DPYD: variants seen among roughly 807,000 people sequenced by gnomAD.
DPYD encodes dihydropyrimidine dehydrogenase.
Under a neutral mutation model 116.2 loss-of-function variants are expected in DPYD, and 109 were observed. The ratio of observed to expected loss-of-function variants is 0.94; its 90% CI spans 0.80 to 1.10. The LOEUF (loss-of-function observed/expected upper bound fraction) is 1.10. DPYD is among the 50% of genes least tolerant of loss of function. The pLI, the probability that DPYD is intolerant of heterozygous loss-of-function variation, is 0.00. For synonymous variants in DPYD, 440 were observed against 432.0 expected, an observed-to-expected ratio of 1.02 and a Z score of -0.23; for missense variants, 1,302 against 1,254.5, an observed-to-expected ratio of 1.04 and a Z score of -0.57.
At chr1:97,821,002 A>C (rs1267591715) in intron 3 of DPYD, among the ~76,000 whole-genome samples, 2 of 152,018 alleles carry the variant, frequency 1.3e-5, no homozygotes, top group Non-Finnish European at 2.9e-5. Flanking sequence ...CAAGTTATTC[A>C]ATTCAAGTAC....
chr1:97,714,689 G>A (rs1316071532), intron 5 of DPYD, among the ~76,000 whole-genome samples: 1 of 148,862 alleles, frequency 6.7e-6, no homozygotes, highest in Non-Finnish European at 1.5e-5. Context: ...TAAGCCGTAT[G>A]TGTTGGTCTT....
intron 1 of DPYD, among the ~76,000 whole-genome samples, chr1:97,918,423 A>G (rs927554048): frequency 1.3e-5 from 2 of 152,208 alleles, no homozygotes; most frequent in Non-Finnish European, 2.9e-5. Flanking sequence ...TGCAACTTCT[A>G]TGATTACAAC....
At chr1:97,821,497 A>C (rs1185030011) in intron 3 of DPYD, among the ~76,000 whole-genome samples, 1 of 152,168 alleles carries the variant, frequency 6.6e-6, no homozygotes, top group Non-Finnish European at 1.5e-5. Flanking sequence ...ATAAAGAAAG[A>C]ATATGATGAA....
At chr1:97,293,657 C>A (rs781587593) in intron 18 of DPYD, among the ~76,000 whole-genome samples, 4 of 152,098 alleles carry the variant, frequency 2.6e-5, no homozygotes, top group South Asian at 2.1e-4. Context: ...AAAAGTCAGT[C>A]CAGGCCGGGT....
chr1:97,261,297 C>T (rs1186089951), intron 18 of DPYD, among the ~76,000 whole-genome samples: 2 of 151,914 alleles, frequency 1.3e-5, no homozygotes, highest in Non-Finnish European at 2.9e-5. Context: ...CTGTGATGGA[C>T]ACCTTTAACT....
intron 20 of DPYD, among the ~76,000 whole-genome samples, chr1:97,150,975 C>T (rs1167651400): frequency 6.6e-6 from 1 of 152,146 alleles, no homozygotes; most frequent in Non-Finnish European, 1.5e-5. Context: ...AGTGTAATTA[C>T]TAGCTTTGAT....
intron 8 of DPYD, among the ~76,000 whole-genome samples, chr1:97,641,035 T>C (rs1657862811): frequency 6.6e-6 from 1 of 152,150 alleles, no homozygotes; most frequent in Non-Finnish European, 1.5e-5. Flanking sequence ...AGGCTCCCAG[T>C]TTTTCTTAGA....
chr1:97,133,618 C>G lies in DPYD; in HGVS notation c.2623-34986G>C, dbSNP rs185434712. On this transcript the variant is annotated intron_variant, in intron 20 of 22. Transcript: ENST00000370192. ...AATTGCTATACCATATCACAGAGCA[C>G]ACTGCAATTTAAAAAATCCTTTCCC... Among the ~76,000 whole-genome samples the G allele has an allele frequency of 1.3e-4, 20 of 152,148 alleles. No homozygotes were observed. The East Asian group carries it at 3.5e-3, about 26-fold the overall frequency.
intron 14 of DPYD, among the ~76,000 whole-genome samples, chr1:97,409,191 A>T (rs933110215): frequency 2.0e-5 from 3 of 152,206 alleles, no homozygotes; most frequent in African/African-American, 7.2e-5. Context: ...AAGATTATTA[A>T]ACATTTTCCG....
intron 6 of DPYD, among the ~76,000 whole-genome samples, chr1:97,692,006 C>T (rs1033517261): frequency 3.0e-4 from 45 of 152,042 alleles, no homozygotes; most frequent in African/African-American, 1.0e-3. Flanking sequence ...ACAGTAGAAA[C>T]TGATATAAAA....
At chr1:97,234,742 C>G in intron 19 of DPYD, 110 bp downstream of exon 19, 2 of 1,376,228 alleles carry the variant, frequency 1.5e-6, no homozygotes, top group Non-Finnish European at 2.0e-6. Context: ...TCCCAAATGG[C>G]CTCCTTTTCA....
intron 14 of DPYD, among the ~76,000 whole-genome samples, chr1:97,414,978 T>C (rs1246976969): frequency 5.9e-5 from 9 of 152,250 alleles, no homozygotes; most frequent in Admixed American, 5.9e-4. Flanking sequence ...ATTTCACTTT[T>C]AGCTAATATT....
intron 2 of DPYD, among the ~76,000 whole-genome samples, chr1:97,859,400 C>T (rs922116867): frequency 6.6e-6 from 1 of 152,118 alleles, no homozygotes; most frequent in African/African-American, 2.4e-5. Flanking sequence ...CTGAACCTGG[C>T]CCCTCATGGG....
At chr1:97,520,351 C>T (rs1648553615) in intron 12 of DPYD, among the ~76,000 whole-genome samples, 1 of 152,152 alleles carries the variant, frequency 6.6e-6, no homozygotes, top group Admixed American at 6.6e-5. Flanking sequence ...AGACTTTACT[C>T]ATGCGTTAAA....
At chr1:97,307,437 T>G (rs1437443372) in intron 16 of DPYD, among the ~76,000 whole-genome samples, 1 of 151,874 alleles carries the variant, frequency 6.6e-6, no homozygotes, top group African/African-American at 2.4e-5. Context: ...ATTTGTAATG[T>G]TATAACCTTT....
rs192497881 is a variant in DPYD, at chr1:97,114,848, C to T, written c.2623-16216G>A. 3.1e-3 allele frequency among the ~76,000 whole-genome samples: 472 copies of T among 152,328 alleles called. 4 individuals carry two copies. Among genetic ancestry groups the T allele is most frequent in the Non-Finnish European group, 4.1e-3 (280 of 68,020 alleles). On this transcript the variant is annotated intron_variant, in intron 20 of 22. Coordinates refer to ENST00000370192, the MANE Select transcript of DPYD (RefSeq NM_000110.4). ...AACTGTATATGTGAATACACTAATGCATTCCTTAAATGCAAATTACTGCTA... is the reference window on the plus strand; with the variant it reads ...AACTGTATATGTGAATACACTAATGTATTCCTTAAATGCAAATTACTGCTA...
intron 1 of DPYD, among the ~76,000 whole-genome samples, chr1:97,899,087 G>C (rs1047968353): frequency 6.6e-6 from 1 of 151,512 alleles, no homozygotes; most frequent in African/African-American, 2.4e-5. Flanking sequence ...TGTCAGACAA[G>C]AGTGTTTTGT....
chr1:97,521,659 T>C (rs764373057), intron 12 of DPYD, among the ~76,000 whole-genome samples: 1 of 152,128 alleles, frequency 6.6e-6, no homozygotes, highest in Non-Finnish European at 1.5e-5. Context: ...CTTCAAACTA[T>C]ACTACAAGGC....
chr1:97,142,212 G>A (rs1417573935), intron 20 of DPYD, among the ~76,000 whole-genome samples: 1 of 152,144 alleles, frequency 6.6e-6, no homozygotes, highest in Non-Finnish European at 1.5e-5. Context: ...AAAGAGTATT[G>A]GGCCTTTTAT....
Sources: allele counts gnomAD v4.1 joint callset (sites outside exome capture counted in the v4.1 genomes callset), GRCh38; gene constraint gnomAD v4.1.1; transcripts MANE v1.5; gene names NCBI Gene and HGNC (gene_info 2026-07-23, HGNC 2026-07-21).